Variants in TECPR1 observed in about 807,000 individuals in gnomAD.
TECPR1 encodes the protein tectonin beta-propeller repeat-containing protein 1.
A neutral mutation model predicts 162.4 loss-of-function variants in TECPR1; 122 were observed. That is an observed-to-expected ratio of 0.75 (90% CI 0.65 to 0.87). TECPR1 has a LOEUF of 0.87. TECPR1 is among the 40% of genes least tolerant of loss of function. TECPR1 has a pLI of 0.00. For synonymous variants in TECPR1, 642 were observed against 670.6 expected, an observed-to-expected ratio of 0.96 and a Z score of 0.66; for missense variants, 1,432 against 1,618.2, an observed-to-expected ratio of 0.88 and a Z score of 1.97.
Position 98,216,545 on chromosome 7 carries a change from T to C in TECPR1, c.*845A>G, listed in dbSNP as rs1203848380. The C allele has an allele frequency of 1.4e-5, 2 of 147,916 alleles. No individual in the cohort carries two copies. Among genetic ancestry groups the C allele is most frequent in the African/African-American group, 5.0e-5 (2 of 39,798 alleles). 9.2% of individuals were successfully genotyped at this position (147,916 alleles called of 1,614,324 possible). A position where few individuals can be genotyped will look rare whatever the true frequency, so the allele number is the denominator to read the frequency against. ...CTCCAGTGTTATTTCCAATCTGCTG[T>C]CTCCTTCCTTCACTTTTTTTTTTTT... is the stretch of plus-strand genomic sequence containing the variant. On this transcript the variant is annotated 3_prime_UTR_variant, in exon 26 of 26. Transcript: ENST00000447648.
At chr7:98,237,231 C>T (rs972447508) in intron 9 of TECPR1, among the ~76,000 whole-genome samples, 27 of 152,114 alleles carry the variant, frequency 1.8e-4, no homozygotes, top group African/African-American at 5.8e-4. Context: ...CCCTGTCTTG[C>T]GTGTGCCCTC....
rs578053093 is a variant in TECPR1, at chr7:98,218,209, C to T, written c.3158-167G>A. 3.8e-4 allele frequency among the ~76,000 whole-genome samples: 58 copies of T among 152,338 alleles called. 2 individuals are homozygous for T. The South Asian group carries it at 0.012, about 32-fold the overall frequency. ...CCTGAGTCAGGGCCACAGCCTCCTC[C>T]GCTTCTCCACACTCAGGAGCCTGGG... is the stretch of plus-strand genomic sequence containing the variant. On this transcript the variant is annotated intron_variant, in intron 23 of 25. Transcript: ENST00000447648.
At chr7:98,219,233 AC>A (rs1472900233) in intron 23 of TECPR1, among the ~76,000 whole-genome samples, 1 of 152,236 alleles carries the variant, frequency 6.6e-6, no homozygotes, top group East Asian at 1.9e-4. Context: ...TATTAAAAAA[AC>A]AACTCAAGAT....
At position 98,222,989 on chromosome 7, in the gene TECPR1, C is replaced by T; in HGVS notation, c.2928+1G>A. 6.2e-7 allele frequency: 1 copy of T among 1,611,676 alleles called. No individual in the cohort carries two copies. Among genetic ancestry groups the T allele is most frequent in the South Asian group, 1.1e-5 (1 of 90,846 alleles). On this transcript the variant is annotated splice_donor_variant, in intron 21 of 25. Transcript: ENST00000447648. LOFTEE classifies it high-confidence loss of function. Reference sequence around the variant, plus strand: ...AGAATCTGTCTGGCCCCGGCACTCACCGCAGGGTTGAGCTCCGACACGCCC... The same window carrying T: ...AGAATCTGTCTGGCCCCGGCACTCATCGCAGGGTTGAGCTCCGACACGCCC...
At chr7:98,224,367 T>G (rs1163468929) in intron 19 of TECPR1, among the ~76,000 whole-genome samples, 1 of 152,154 alleles carries the variant, frequency 6.6e-6, no homozygotes, top group Non-Finnish European at 1.5e-5. Flanking sequence ...TCACCTAACA[T>G]CTCGTGTTGG....
At chr7:98,236,713 AC>A in intron 10 of TECPR1, 62 bp downstream of exon 10, 1 of 1,546,984 alleles carries the variant, frequency 6.5e-7, no homozygotes, top group East Asian at 2.4e-5. Context: ...TCTGGACATG[AC>A]CACCTAGGCT....
intron 2 of TECPR1, among the ~76,000 whole-genome samples, chr7:98,246,994 C>T (rs1798928346): frequency 1.3e-5 from 2 of 151,530 alleles, no homozygotes; most frequent in South Asian, 4.2e-4. Context: ...AAAAATTAGC[C>T]AGGCACAGTA....
chr7:98,240,777 G>A (rs950702583), intron 8 of TECPR1, 74 bp downstream of exon 8: 9 of 1,261,966 alleles, frequency 7.1e-6, no homozygotes, highest in Admixed American at 4.3e-5. Context: ...CTGGAGTCCA[G>A]TGGTGTGATC....
Position 98,233,510 on chromosome 7 carries a change from AC to A in TECPR1, c.1582del (p.Val528TrpfsTer83), listed in dbSNP as rs1181756516. The A allele has an allele frequency of 1.9e-6, 3 of 1,541,562 alleles. No homozygotes were observed. The highest frequency in any genetic ancestry group is 2.2e-5 in the Admixed American group (1 of 45,386). ...CCAGGCCCACAGCGGGTGGTCATCC[AC>A]CCCATACGGCTCCTCCAAGCCCAGT... ...LPLGLEEPYG[V>X]DDHPLWAWVS... On this transcript the variant is annotated frameshift_variant, in exon 11 of 26. Transcript: ENST00000447648. LOFTEE classifies it high-confidence loss of function.
At chr7:98,237,525 G>C (rs1043086040) in intron 9 of TECPR1, among the ~76,000 whole-genome samples, 2 of 152,094 alleles carry the variant, frequency 1.3e-5, no homozygotes, top group African/African-American at 2.4e-5. Context: ...CTGGAGTGCA[G>C]TGGCGTGATT....
intron 13 of TECPR1, chr7:98,231,602 G>A: frequency 1.8e-6 from 1 of 559,238 alleles, no homozygotes; most frequent in Non-Finnish European, 2.8e-6. Flanking sequence ...CCCTCTCCTG[G>A]GGCACCCCCA....
At position 98,231,960 on chromosome 7, in the gene TECPR1, C is replaced by G. The variant is rs1205235192; in HGVS notation, c.1819-1G>C. The G allele has an allele frequency of 6.2e-7, 1 of 1,601,108 alleles. No homozygotes were observed. Among genetic ancestry groups the G allele is most frequent in the Admixed American group, 1.7e-5 (1 of 59,616 alleles). On this transcript the variant is annotated splice_acceptor_variant, in intron 12 of 25. Coordinates refer to ENST00000447648, the MANE Select transcript of TECPR1 (RefSeq NM_015395.3). LOFTEE classifies it high-confidence loss of function. ...GCGCCCCGGTCTTCACCCACACCGA[C>G]TGCGCAGGCCGGGGCAGTGGACACC... is the stretch of plus-strand genomic sequence containing the variant.
intron 22 of TECPR1, 136 bp from the exon 23 acceptor site, chr7:98,221,889 G>T: frequency 1.5e-6 from 1 of 665,976 alleles, no homozygotes; most frequent in Non-Finnish European, 2.6e-6. Flanking sequence ...GAGCTGACAC[G>T]TGCCCTGCCG....
intron 19 of TECPR1, 66 bp downstream of exon 19, chr7:98,224,735 G>A: frequency 2.1e-6 from 3 of 1,451,994 alleles, no homozygotes; most frequent in Non-Finnish European, 1.9e-6. Context: ...GAGGCCAGAG[G>A]CCACACACTC....
At chr7:98,217,570 G>C (rs1798044903) in intron 25 of TECPR1, 67 bp from the exon 26 acceptor site, 1 of 1,541,886 alleles carries the variant, frequency 6.5e-7, no homozygotes, top group African/African-American at 1.4e-5. Context: ...GATCTGCCTG[G>C]GGGCCTCCCT....
At chr7:98,223,287 G>A (rs979411045) in intron 20 of TECPR1, 117 bp from the exon 21 acceptor site, 25 of 1,063,112 alleles carry the variant, frequency 2.4e-5, no homozygotes, top group Non-Finnish European at 3.3e-5. Context: ...GGTAGAAAGA[G>A]GGGCCCAGAG....
chr7:98,228,762 G>A (rs1798345011), intron 16 of TECPR1: 1 of 372,302 alleles, frequency 2.7e-6, no homozygotes, highest in South Asian at 6.5e-5. Flanking sequence ...CTACCCTGAA[G>A]GAGGAACCCA....
rs902311161 is a variant in TECPR1 at position 98,216,162 on chromosome 7, G to C, written c.*1228C>G. 6.6e-6 allele frequency: 1 copy of C among 152,344 alleles called. No homozygotes were observed. Among genetic ancestry groups the C allele is most frequent in the Non-Finnish European group, 1.5e-5 (1 of 68,148 alleles). The allele number at this position is 152,344 out of a possible 1,614,324, so 9.4% of individuals were successfully genotyped here. On this transcript the variant is annotated 3_prime_UTR_variant, in exon 26 of 26. Coordinates refer to ENST00000447648, the MANE Select transcript of TECPR1 (RefSeq NM_015395.3). Reference sequence around the variant, plus strand: ...TGAGAGACTGCGGGATGGGGTCGGGGCCACTTGGCCGACACCTTCTGCCTC... The same window carrying C: ...TGAGAGACTGCGGGATGGGGTCGGGCCCACTTGGCCGACACCTTCTGCCTC...
At chr7:98,251,708 C>T (rs1799066971) in intron 1 of TECPR1, 160 bp from the exon 2 acceptor site, 2 of 152,324 alleles carry the variant, frequency 1.3e-5, no homozygotes. Context: ...TGCACTGCCA[C>T]CAGTAGCATA....
Sources: gnomAD v4.1 joint callset for allele counts (sites outside exome capture counted in the v4.1 genomes callset) on GRCh38, gnomAD v4.1.1 for gene constraint, MANE v1.5 for transcripts, NCBI Gene and HGNC (gene_info 2026-07-23, HGNC 2026-07-21) for gene names.